Variants in THOC1 observed in about 807,000 individuals in gnomAD.
THOC1 encodes THO complex 1.
A neutral mutation model predicts 97.3 loss-of-function variants in THOC1; 29 were observed. That is an observed-to-expected ratio of 0.30 (90% CI 0.22 to 0.41). The LOEUF (loss-of-function observed/expected upper bound fraction) is 0.41, where lower values mean the gene tolerates loss of function less well. Among genes scored for constraint, THOC1 ranks in the 10% least tolerant of loss-of-function variants. The pLI is 1.00. For missense variants in THOC1, 529 were observed against 761.9 expected (o/e 0.69, Z 3.60); for synonymous variants, 255 against 257.0 (o/e 0.99, Z 0.07).
intron 1 of THOC1, among the ~76,000 whole-genome samples, chr18:267,632 C>G (rs1336764973): frequency 6.6e-6 from 1 of 152,162 alleles, no homozygotes. Flanking sequence ...TCCCCTTCCC[C>G]TTCTCGAGAC....
At chr18:219,884 CTTAT>C (rs1911018201) in intron 17 of THOC1, among the ~76,000 whole-genome samples, 1 of 152,086 alleles carries the variant, frequency 6.6e-6, no homozygotes, top group East Asian at 1.9e-4. Context: ...ACCTTTAGCT[CTTAT>C]TTAAATTGTT....
intron 4 of THOC1, 112 bp from the exon 5 acceptor site, chr18:260,416 A>C: frequency 1.4e-6 from 1 of 692,698 alleles, no homozygotes; most frequent in Non-Finnish European, 2.1e-6. Context: ...TACTCATAAC[A>C]AGGTTTTAAA....
At chr18:248,040 A>C in intron 9 of THOC1, 83 bp from the exon 10 acceptor site, 2 of 926,198 alleles carry the variant, frequency 2.2e-6, no homozygotes, top group South Asian at 3.7e-5. Context: ...CTTTGGTCAC[A>C]AACCGTTTTC....
chr18:235,962 G>T (rs1026455954), intron 11 of THOC1, among the ~76,000 whole-genome samples: 15 of 152,096 alleles, frequency 9.9e-5, no homozygotes, highest in South Asian at 2.1e-4. Context: ...TCATAATTTT[G>T]TAAGTTTTTG....
chr18:228,237 A>C (rs1009392115), intron 11 of THOC1, among the ~76,000 whole-genome samples: 1 of 152,002 alleles, frequency 6.6e-6, no homozygotes, highest in Non-Finnish European at 1.5e-5. Context: ...GAAGTCTTCA[A>C]CTCACAATCC....
In THOC1 at chr18:252,253, T is replaced by C. The variant is rs116443346; in HGVS notation, c.677+286A>G. Among the ~76,000 whole-genome samples the C allele has an allele frequency of 5.0e-3, 761 of 152,202 alleles. 6 individuals carry two copies. The highest frequency in any genetic ancestry group is 0.017 in the African/African-American group (714 of 41,506). The stretch of plus-strand genomic sequence containing the variant: ...GGTCCACAAGTTTAATGGAAGGGAT[T>C]AAGGGGAGGAGCTCCTAAGGCTGCC... On this transcript the variant is annotated intron_variant, in intron 9 of 20. Coordinates refer to ENST00000261600, the MANE Select transcript of THOC1 (RefSeq NM_005131.3).
At chr18:247,317 C>T (rs1390487347) in intron 10 of THOC1, among the ~76,000 whole-genome samples, 1 of 152,196 alleles carries the variant, frequency 6.6e-6, no homozygotes, top group Non-Finnish European at 1.5e-5. Flanking sequence ...ACAAATTCTT[C>T]TAAAACAGGA....
At position 218,974 on chromosome 18, in the gene THOC1, G is replaced by T; in HGVS notation, c.1371-5C>A. 1 of 1,593,240 alleles carries T rather than the reference G, an allele frequency of 6.3e-7. No homozygotes were observed. Among genetic ancestry groups the T allele is most frequent in the Non-Finnish European group, 8.6e-7 (1 of 1,168,436 alleles). On this transcript the variant is annotated splice_region_variant and splice_polypyrimidine_tract_variant and intron_variant, in intron 17 of 20. Transcript: ENST00000261600. ...TCCAAAGTGGGCATGTGTTCCCTGA[G>T]CGGTACAAAAATAACCAGTGAGGAT...
chr18:246,295 T>C, intron 11 of THOC1, 29 bp downstream of exon 11: 3 of 1,453,916 alleles, frequency 2.1e-6, no homozygotes, highest in Non-Finnish European at 2.8e-6. Flanking sequence ...CATTTCTTAT[T>C]ATGCTTAATG....
chr18:251,333 C>T (rs532962748), intron 9 of THOC1, among the ~76,000 whole-genome samples: 10 of 152,276 alleles, frequency 6.6e-5, no homozygotes, highest in African/African-American at 2.2e-4. Context: ...TCTCCCTGGG[C>T]AGATACAGGA....
intron 9 of THOC1, among the ~76,000 whole-genome samples, chr18:251,061 T>A (rs1453261802): frequency 6.6e-6 from 1 of 152,208 alleles, no homozygotes; most frequent in Non-Finnish European, 1.5e-5. Flanking sequence ...ATATTCTAAG[T>A]GCTTTACACT....
intron 9 of THOC1, among the ~76,000 whole-genome samples, chr18:248,365 CCA>C (rs1251624041): frequency 6.6e-6 from 1 of 152,066 alleles, no homozygotes; most frequent in Non-Finnish European, 1.5e-5. Context: ...TGAGCGTGAG[CCA>C]CCTTGCACTA....
rs765963700 is a variant in THOC1 at position 252,313 on chromosome 18, A to G, written c.677+226T>C. 1.1e-3 allele frequency among the ~76,000 whole-genome samples: 175 copies of G among 152,362 alleles called. 1 individual carries two copies. The highest frequency in any genetic ancestry group is 3.1e-4 in the Non-Finnish European group (21 of 68,038). On this transcript the variant is annotated intron_variant, in intron 9 of 20. Transcript: ENST00000261600. ...CTTTTCAAATGCTGGGATTATGCAT[A>G]GGGTAGTCTATATAAACAATGAACT... is the stretch of plus-strand genomic sequence containing the variant.
At chr18:263,029 C>T (rs1356993147) in intron 4 of THOC1, among the ~76,000 whole-genome samples, 1 of 152,178 alleles carries the variant, frequency 6.6e-6, no homozygotes, top group Non-Finnish European at 1.5e-5. Context: ...TTTTAACAGG[C>T]TCCTGCCCAG....
chr18:214,592 A>C lies in THOC1; in HGVS notation c.*34T>G. On this transcript the variant is annotated 3_prime_UTR_variant, in exon 21 of 21. Transcript: ENST00000261600. ...CAAATGCTGCTTGGTAACAAAATCT[A>C]TCACAGTTTTAATAAAAAGAAAAAA... 9 of 1,547,740 alleles carry C rather than the reference A, an allele frequency of 5.8e-6. No homozygotes were observed. Among genetic ancestry groups the C allele is most frequent in the Non-Finnish European group, 7.9e-6 (9 of 1,139,122 alleles).
chr18:259,167 C>A lies in THOC1; in HGVS notation c.520+13G>T. 6.3e-7 allele frequency: 1 copy of A among 1,594,118 alleles called. No individual in the cohort carries two copies. Among genetic ancestry groups the A allele is most frequent in the Non-Finnish European group, 8.6e-7 (1 of 1,166,344 alleles). ...TTTCCTGCAGAAAACTCATTTAATGCATAAAAGCTTACCTGATTTCTCAGA... is the reference window on the plus strand; with the variant it reads ...TTTCCTGCAGAAAACTCATTTAATGAATAAAAGCTTACCTGATTTCTCAGA... On this transcript the variant is annotated intron_variant, in intron 7 of 20. Transcript: ENST00000261600.
chr18:234,657 C>A (rs991737672), intron 11 of THOC1, among the ~76,000 whole-genome samples: 2 of 152,182 alleles, frequency 1.3e-5, no homozygotes, highest in African/African-American at 2.4e-5. Flanking sequence ...GCTGGGATTA[C>A]AGGCGTAAGC....
chr18:253,924 T>TA (rs1202961844), intron 8 of THOC1, among the ~76,000 whole-genome samples: 3 of 139,412 alleles, frequency 2.2e-5, no homozygotes, highest in African/African-American at 5.7e-5. Flanking sequence ...TTTTTTTTTT[T>TA]AAATGAGACA....
chr18:234,271 TTTTG>T (rs1475681440), intron 11 of THOC1, among the ~76,000 whole-genome samples: 2 of 152,208 alleles, frequency 1.3e-5, no homozygotes, highest in African/African-American at 4.8e-5. Context: ...CTTACTCCTT[TTTTG>T]TTTTTTTCTC....
Sources: gnomAD v4.1 joint callset for allele counts (sites outside exome capture counted in the v4.1 genomes callset) on GRCh38, gnomAD v4.1.1 for gene constraint, MANE v1.5 for transcripts, NCBI Gene and HGNC (gene_info 2026-07-23, HGNC 2026-07-21) for gene names.